Variants in VPS53 observed in about 807,000 individuals in gnomAD.
VPS53 encodes VPS53 subunit of GARP complex.
A neutral mutation model predicts 107.0 loss-of-function variants in VPS53; 70 were observed. The observed-to-expected ratio is 0.65, with a 90% CI of 0.54 to 0.80. The LOEUF (loss-of-function observed/expected upper bound fraction) is 0.80. VPS53 is among the 30% of genes least tolerant of loss of function. The pLI is 0.00. For missense variants in VPS53, 917 were observed against 1,049.4 expected (o/e 0.87, Z 1.74); for synonymous variants, 409 against 393.3 (o/e 1.04, Z -0.47).
At chr17:713,237 G>T (rs1036152316) in intron 1 of VPS53, among the ~76,000 whole-genome samples, 2 of 152,076 alleles carry the variant, frequency 1.3e-5, no homozygotes, top group African/African-American at 2.4e-5. Context: ...ATTAAATAAG[G>T]CATAATGGAA....
At chr17:545,043 C>T (rs996831872) in intron 17 of VPS53, among the ~76,000 whole-genome samples, 1 of 151,956 alleles carries the variant, frequency 6.6e-6, no homozygotes, top group East Asian at 1.9e-4. Context: ...ATTATGCCAC[C>T]GCACCCAAGC....
At chr17:565,049 C>T (rs1475128799) in intron 13 of VPS53, among the ~76,000 whole-genome samples, 3 of 152,136 alleles carry the variant, frequency 2.0e-5, no homozygotes, top group Non-Finnish European at 4.4e-5. Flanking sequence ...ACCACACATA[C>T]CACCAATTAG....
At chr17:647,998 G>A (rs998617157) in intron 7 of VPS53, among the ~76,000 whole-genome samples, 2 of 152,174 alleles carry the variant, frequency 1.3e-5, no homozygotes, top group South Asian at 2.1e-4. Flanking sequence ...CACGTCAGGC[G>A]GCAGGGGTGG....
intron 15 of VPS53, among the ~76,000 whole-genome samples, chr17:559,121 A>C (rs1912711885): frequency 6.6e-6 from 1 of 152,174 alleles, no homozygotes; most frequent in African/African-American, 2.4e-5. Context: ...CATTATAATG[A>C]CAGGAGAAAT....
chr17:702,874 G>A (rs1030714359), intron 2 of VPS53, among the ~76,000 whole-genome samples: 1 of 151,908 alleles, frequency 6.6e-6, no homozygotes, highest in Non-Finnish European at 1.5e-5. Flanking sequence ...TGCCAGGCGA[G>A]GCACACTTTT....
intron 13 of VPS53, among the ~76,000 whole-genome samples, chr17:578,308 G>T (rs1441141429): frequency 6.7e-6 from 1 of 149,492 alleles, no homozygotes; most frequent in Non-Finnish European, 1.5e-5. Flanking sequence ...TGCGTTCCCA[G>T]AGATGCTCCC....
intron 17 of VPS53, among the ~76,000 whole-genome samples, chr17:544,753 T>G (rs1459032089): frequency 6.6e-6 from 1 of 152,166 alleles, no homozygotes; most frequent in Non-Finnish European, 1.5e-5. Flanking sequence ...AATAGTAACT[T>G]ATTATCAACT....
At chr17:540,196 A>T (rs75904211) in intron 17 of VPS53, among the ~76,000 whole-genome samples, 19,607 of 150,216 alleles carry the variant, frequency 0.13, 1,368 homozygotes, top group South Asian at 0.26. Context: ...TTTATTTTTC[A>T]TTTTTTTTTG....
At chr17:596,419 C>T (rs538346760) in intron 12 of VPS53, among the ~76,000 whole-genome samples, 6 of 152,258 alleles carry the variant, frequency 3.9e-5, no homozygotes, top group Non-Finnish European at 5.9e-5. Flanking sequence ...CTTGATGAGG[C>T]CCCACAGGAC....
At chr17:696,217 A>G (rs1179229739) in intron 4 of VPS53, among the ~76,000 whole-genome samples, 1 of 152,218 alleles carries the variant, frequency 6.6e-6, no homozygotes, top group Non-Finnish European at 1.5e-5. Context: ...AAGTGACTAT[A>G]AAGTGGAAAA....
chr17:579,153 C>A (rs71355272), intron 13 of VPS53, among the ~76,000 whole-genome samples: 3,153 of 114,170 alleles, frequency 0.028, 46 homozygotes, highest in Middle Eastern at 0.067. Flanking sequence ...CCCAGAGAAC[C>A]TCCCTCAGAA....
At chr17:674,031 C>T (rs560781233) in intron 4 of VPS53, 5 of 152,296 alleles carry the variant, frequency 3.3e-5, no homozygotes, top group African/African-American at 1.2e-4. Flanking sequence ...AACAAGCTAG[C>T]CCTGAAATAG....
chr17:652,080 T>C (rs1240241071), intron 7 of VPS53, among the ~76,000 whole-genome samples: 1 of 150,900 alleles, frequency 6.6e-6, no homozygotes, highest in African/African-American at 2.4e-5. Context: ...CACTGCAACC[T>C]CCACTTCCCA....
intron 11 of VPS53, among the ~76,000 whole-genome samples, chr17:615,523 G>A (rs545832425): frequency 6.6e-6 from 1 of 152,254 alleles, no homozygotes; most frequent in African/African-American, 2.4e-5. Flanking sequence ...GGGTGGGGAT[G>A]ACGTACAGCC....
At position 623,202 on chromosome 17, in the gene VPS53, T is replaced by C. The variant is rs554509361; in HGVS notation, c.1116+331A>G. ...ACCCTAAAGTAAAAACATATCCTAA[T>C]TGTAACCAAATCTGATAACTGATAA... On this transcript the variant is annotated intron_variant, in intron 11 of 21. Coordinates refer to ENST00000437048, the MANE Select transcript of VPS53 (RefSeq NM_001128159.3). Among the ~76,000 whole-genome samples the C allele has an allele frequency of 8.5e-5, 13 of 152,330 alleles. No individual in the cohort carries two copies. In the South Asian group the frequency reaches 2.3e-3, roughly 27 times the overall value.
chr17:590,481 T>C (rs1253386006), intron 12 of VPS53, among the ~76,000 whole-genome samples: 2 of 151,820 alleles, frequency 1.3e-5, no homozygotes, highest in Admixed American at 1.3e-4. Context: ...TGCTTCCAGT[T>C]TTTGCCCATT....
At chr17:596,083 C>G (rs891062075) in intron 12 of VPS53, among the ~76,000 whole-genome samples, 1 of 152,340 alleles carries the variant, frequency 6.6e-6, no homozygotes, top group South Asian at 2.1e-4. Context: ...CACTGTACCT[C>G]GCTGTACTAG....
At chr17:711,115 T>C (rs1039581610) in intron 1 of VPS53, among the ~76,000 whole-genome samples, 9 of 152,040 alleles carry the variant, frequency 5.9e-5, no homozygotes, top group Admixed American at 3.9e-4. Context: ...GAGGCTGAGA[T>C]GGGAGGATCA....
At chr17:658,984 C>T (rs1389064398) in intron 5 of VPS53, among the ~76,000 whole-genome samples, 1 of 152,052 alleles carries the variant, frequency 6.6e-6, no homozygotes, top group Non-Finnish European at 1.5e-5. Flanking sequence ...TGGGGACTTC[C>T]CCATCAAGCC....
Sources: gnomAD v4.1 joint callset for allele counts (sites outside exome capture counted in the v4.1 genomes callset) on GRCh38, gnomAD v4.1.1 for gene constraint, MANE v1.5 for transcripts, NCBI Gene and HGNC (gene_info 2026-07-23, HGNC 2026-07-21) for gene names.